Variants in PLAG1 observed in about 807,000 individuals in gnomAD.
PLAG1 encodes the protein PLAG1 zinc finger, also known as zinc finger protein PLAG1.
Under a neutral mutation model 35.5 loss-of-function variants are expected in PLAG1, and 7 were observed. The ratio of observed to expected loss-of-function variants is 0.20; its 90% CI spans 0.11 to 0.37. PLAG1 has a LOEUF of 0.37. Among genes scored for constraint, PLAG1 ranks in the 10% least tolerant of loss-of-function variants. The pLI is 1.00. For missense variants in PLAG1, 454 were observed against 602.8 expected, an observed-to-expected ratio of 0.75 and a Z score of 2.58; for synonymous variants, 229 against 225.4, an observed-to-expected ratio of 1.02 and a Z score of -0.14.
intron 1 of PLAG1, among the ~76,000 whole-genome samples, chr8:56,187,383 G>A (rs1812050840): frequency 1.3e-5 from 2 of 152,222 alleles, no homozygotes; most frequent in African/African-American, 4.8e-5. Flanking sequence ...GGGAATAGCA[G>A]CAGAGAGACA....
chr8:56,168,334 G>A lies in PLAG1; in HGVS notation c.-65C>T. The A allele has an allele frequency of 7.1e-7, 1 of 1,410,374 alleles. No homozygotes were observed. Among genetic ancestry groups the A allele is most frequent in the South Asian group, 2.0e-5 (1 of 50,150 alleles). 87.4% of individuals were successfully genotyped at this position (1,410,374 alleles called of 1,614,324 possible). ...CTGCCCAACTCCACTAAATGATATAGCTTTAGGTGGCTTCTCAAGTTTCAT... is the reference window on the plus strand; with the variant it reads ...CTGCCCAACTCCACTAAATGATATAACTTTAGGTGGCTTCTCAAGTTTCAT... On this transcript the variant is annotated 5_prime_UTR_variant, in exon 4 of 5. Transcript: ENST00000316981.
chr8:56,175,667 T>G (rs140424544), intron 2 of PLAG1, among the ~76,000 whole-genome samples: 2 of 152,180 alleles, frequency 1.3e-5, no homozygotes, highest in Non-Finnish European at 2.9e-5. Flanking sequence ...CCATAAAAAT[T>G]AGCCTTACTG....
chr8:56,180,498 T>C (rs1482285028), intron 1 of PLAG1, among the ~76,000 whole-genome samples: 1 of 152,240 alleles, frequency 6.6e-6, no homozygotes, highest in African/African-American at 2.4e-5. Flanking sequence ...ATTTTGGCTT[T>C]TGTTGCCATT....
At chr8:56,186,922 G>C (rs558899550) in intron 1 of PLAG1, among the ~76,000 whole-genome samples, 1 of 151,916 alleles carries the variant, frequency 6.6e-6, no homozygotes, top group East Asian at 1.9e-4. Context: ...CACCATGTTG[G>C]TCAGGCTGGT....
chr8:56,182,898 CT>C (rs1811914253), intron 1 of PLAG1, among the ~76,000 whole-genome samples: 1 of 152,054 alleles, frequency 6.6e-6, no homozygotes, highest in African/African-American at 2.4e-5. Context: ...AAAGGGGCTT[CT>C]TTATCAAACT....
At chr8:56,184,418 T>C (rs1222577504) in intron 1 of PLAG1, among the ~76,000 whole-genome samples, 1 of 152,154 alleles carries the variant, frequency 6.6e-6, no homozygotes, top group East Asian at 1.9e-4. Context: ...TGAAAAACAG[T>C]TTGGCAATTT....
At chr8:56,196,811 A>ATGTG (rs1407231324) in intron 1 of PLAG1, among the ~76,000 whole-genome samples, 1 of 151,518 alleles carries the variant, frequency 6.6e-6, no homozygotes, top group Non-Finnish European at 1.5e-5. Context: ...TCCTCTATGC[A>ATGTG]TGTGTCTCTC....
At chr8:56,175,428 T>C (rs761856247) in intron 2 of PLAG1, among the ~76,000 whole-genome samples, 1 of 152,140 alleles carries the variant, frequency 6.6e-6, no homozygotes, top group Non-Finnish European at 1.5e-5. Flanking sequence ...GCAGGAGACA[T>C]AGCCAAGACA....
At chr8:56,180,055 A>G (rs1360681045) in intron 1 of PLAG1, among the ~76,000 whole-genome samples, 1 of 152,192 alleles carries the variant, frequency 6.6e-6, no homozygotes, top group Non-Finnish European at 1.5e-5. Flanking sequence ...TGATGCGATT[A>G]TTGCTTGTTT....
chr8:56,192,181 C>G (rs1445786563), intron 1 of PLAG1, among the ~76,000 whole-genome samples: 2 of 152,204 alleles, frequency 1.3e-5, no homozygotes, highest in Non-Finnish European at 2.9e-5. Flanking sequence ...CTACCAGCGA[C>G]AGCGACTGTA....
chr8:56,196,987 T>TGTGTGCGC lies in PLAG1; in HGVS notation c.-322+14133_-322+14134insGCGCACAC, dbSNP rs1227336889. ...GTGTGTGTGTGTGTGTGTGTGTGTGTGCTCCTCTCTCCCCTCCAGGGCTGT... is the reference window on the plus strand; with the variant it reads ...GTGTGTGTGTGTGTGTGTGTGTGTGTGTGTGCGCGCTCCTCTCTCCCCTCCAGGGCTGT... On this transcript the variant is annotated intron_variant, in intron 1 of 4. Transcript: ENST00000316981. Among the ~76,000 whole-genome samples the TGTGTGCGC allele has an allele frequency of 1.4e-3, 205 of 149,538 alleles. 1 individual carries two copies. The highest frequency in any genetic ancestry group is 3.6e-3 in the African/African-American group (147 of 40,852).
At chr8:56,196,815 G>C (rs1414998980) in intron 1 of PLAG1, among the ~76,000 whole-genome samples, 1 of 151,960 alleles carries the variant, frequency 6.6e-6, no homozygotes, top group Non-Finnish European at 1.5e-5. Flanking sequence ...CTATGCATGT[G>C]TCTCTCTCTC....
chr8:56,189,714 A>G (rs577361061), intron 1 of PLAG1, among the ~76,000 whole-genome samples: 2 of 152,196 alleles, frequency 1.3e-5, no homozygotes, highest in African/African-American at 4.8e-5. Flanking sequence ...AGCTTTGGAG[A>G]TGGGAATTTG....
intron 1 of PLAG1, among the ~76,000 whole-genome samples, chr8:56,192,097 A>G (rs1303183430): frequency 2.0e-5 from 3 of 152,208 alleles, no homozygotes; most frequent in Non-Finnish European, 4.4e-5. Flanking sequence ...CAACAAGTGT[A>G]GAGAGAGGGA....
chr8:56,204,553 C>T (rs1052360555), intron 1 of PLAG1, among the ~76,000 whole-genome samples: 8 of 151,856 alleles, frequency 5.3e-5, no homozygotes, highest in South Asian at 4.1e-4. Context: ...TAATTGATTT[C>T]TAGTTTAACA....
chr8:56,187,467 T>C (rs188734107), intron 1 of PLAG1, among the ~76,000 whole-genome samples: 1 of 152,306 alleles, frequency 6.6e-6, no homozygotes, highest in Non-Finnish European at 1.5e-5. Flanking sequence ...AATGATGTAT[T>C]TAGTCTCTCT....
intron 1 of PLAG1, among the ~76,000 whole-genome samples, chr8:56,194,645 T>C (rs552090039): frequency 1.3e-5 from 2 of 151,990 alleles, no homozygotes; most frequent in South Asian, 4.2e-4. Flanking sequence ...TGTGTGTGTG[T>C]GGCATGTGTG....
intron 1 of PLAG1, among the ~76,000 whole-genome samples, chr8:56,194,227 G>T (rs1812282573): frequency 6.8e-6 from 1 of 147,220 alleles, no homozygotes; most frequent in Non-Finnish European, 1.5e-5. Context: ...TGAGGCAAGA[G>T]AATCACTTGA....
In PLAG1 at chr8:56,171,186, C is replaced by T. The variant is rs1828894602; in HGVS notation, c.-213G>A. The T allele has an allele frequency of 2.1e-6, 2 of 945,546 alleles. No individual in the cohort carries two copies. The highest frequency in any genetic ancestry group is 3.6e-5 in the African/African-American group (2 of 56,294). 58.6% of individuals were successfully genotyped at this position (945,546 alleles called of 1,614,324 possible). On this transcript the variant is annotated 5_prime_UTR_variant, in exon 3 of 5. Coordinates refer to ENST00000316981, the MANE Select transcript of PLAG1 (RefSeq NM_002655.3). Reference sequence around the variant, plus strand: ...GGAATCCAATCCTTCCCATTTTGGCCAATCTATGAAAAAAAAGTGAAAATG... The same window carrying T: ...GGAATCCAATCCTTCCCATTTTGGCTAATCTATGAAAAAAAAGTGAAAATG...
Sources: gnomAD v4.1 joint callset for allele counts (sites outside exome capture counted in the v4.1 genomes callset) on GRCh38, gnomAD v4.1.1 for gene constraint, MANE v1.5 for transcripts, NCBI Gene and HGNC (gene_info 2026-07-23, HGNC 2026-07-21) for gene names.